Variants in CDH13 observed in about 807,000 individuals in gnomAD.
CDH13 encodes cadherin 13, also known as cadherin-13.
Under a neutral mutation model 63.8 loss-of-function variants are expected in CDH13, and 24 were observed. The ratio of observed to expected loss-of-function variants is 0.38; its 90% confidence interval spans 0.27 to 0.53. The LOEUF is 0.53. Ranked by LOEUF, CDH13 falls within the 20% of genes least tolerant of loss-of-function variation. CDH13 has a pLI of 0.85. For missense variants in CDH13, 1,049 were observed against 903.1 expected (o/e 1.16, Z -2.07); for synonymous variants, 503 against 355.3 (o/e 1.42, Z -4.67).
In CDH13 at chr16:83,113,670, C is replaced by T. The variant is rs77789371; in HGVS notation, c.367-11715C>T. 3.0e-3 allele frequency among the ~76,000 whole-genome samples: 460 copies of T among 152,118 alleles called. 2 individuals are homozygous for T. The highest frequency in any genetic ancestry group is 0.011 in the African/African-American group (440 of 41,486). On this transcript the variant is annotated intron_variant, in intron 3 of 13. Coordinates refer to ENST00000567109, the MANE Select transcript of CDH13 (RefSeq NM_001257.5). ...AGCCAATCCTCATAGCAAAAGAGAC[C>T]GAGGAAGCCTAGAAGTGGTGCTTGA... is the stretch of plus-strand genomic sequence containing the variant.
chr16:83,482,058 C>T (rs143325646), intron 6 of CDH13, among the ~76,000 whole-genome samples: 9 of 152,290 alleles, frequency 5.9e-5, no homozygotes, highest in African/African-American at 1.9e-4. Context: ...CCCATTCCAG[C>T]AAGGACCTCC....
chr16:82,698,220 T>C (rs370585515), intron 1 of CDH13, among the ~76,000 whole-genome samples: 8 of 152,334 alleles, frequency 5.3e-5, no homozygotes, highest in African/African-American at 9.6e-5. Flanking sequence ...CTAGTCTCTT[T>C]AGTGTTTTCT....
intron 8 of CDH13, among the ~76,000 whole-genome samples, chr16:83,659,550 G>C (rs865833314): frequency 1.3e-5 from 2 of 152,224 alleles, no homozygotes; most frequent in Admixed American, 1.3e-4. Flanking sequence ...AGAATCACAG[G>C]GGGGTGTTTT....
At chr16:82,953,891 A>T (rs554712733) in intron 2 of CDH13, 2 of 152,360 alleles carry the variant, frequency 1.3e-5, no homozygotes, top group African/African-American at 4.8e-5. Flanking sequence ...TTAAGTGGCC[A>T]GACATAGTGC....
chr16:83,245,230 C>T (rs1169277711), intron 5 of CDH13, among the ~76,000 whole-genome samples: 2 of 152,168 alleles, frequency 1.3e-5, no homozygotes, highest in Non-Finnish European at 2.9e-5. Context: ...TGGCTCTCTG[C>T]CACCCCCCAC....
intron 4 of CDH13, among the ~76,000 whole-genome samples, chr16:83,147,069 C>T (rs2036781980): frequency 6.6e-6 from 1 of 152,062 alleles, no homozygotes; most frequent in Non-Finnish European, 1.5e-5. Context: ...GCCTGGGCAA[C>T]AGAGTGAGAC....
At chr16:83,212,730 A>G (rs936285605) in intron 4 of CDH13, among the ~76,000 whole-genome samples, 2 of 152,170 alleles carry the variant, frequency 1.3e-5, no homozygotes, top group African/African-American at 4.8e-5. Flanking sequence ...AAACTTGGGT[A>G]TGCGTGAGAA....
intron 8 of CDH13, among the ~76,000 whole-genome samples, chr16:83,654,458 T>C (rs1189546426): frequency 6.6e-6 from 1 of 151,740 alleles, no homozygotes; most frequent in Non-Finnish European, 1.5e-5. Context: ...TATAGGACAA[T>C]GTGCAAGAAA....
chr16:83,182,746 G>A (rs2038385590), intron 4 of CDH13, among the ~76,000 whole-genome samples: 1 of 152,142 alleles, frequency 6.6e-6, no homozygotes, highest in Non-Finnish European at 1.5e-5. Context: ...TAACACTAAT[G>A]GGAATGAGCG....
chr16:83,651,848 G>C (rs1395693360), intron 8 of CDH13, among the ~76,000 whole-genome samples: 5 of 152,106 alleles, frequency 3.3e-5, no homozygotes. Context: ...GCCTGCTTCA[G>C]CCTCCCAAAG....
At chr16:82,727,145 A>G (rs2033143370) in intron 1 of CDH13, among the ~76,000 whole-genome samples, 2 of 152,086 alleles carry the variant, frequency 1.3e-5, no homozygotes, top group East Asian at 3.9e-4. Context: ...GGAGTGGCAA[A>G]TCAAATGACA....
chr16:82,778,389 T>C (rs1567523903), intron 1 of CDH13, among the ~76,000 whole-genome samples: 1 of 152,078 alleles, frequency 6.6e-6, no homozygotes. Flanking sequence ...CTAATTTTAT[T>C]ACAGAGTTTT....
At chr16:83,142,890 G>C (rs60256053) in intron 4 of CDH13, among the ~76,000 whole-genome samples, 169 of 152,296 alleles carry the variant, frequency 1.1e-3, no homozygotes, top group Middle Eastern at 3.4e-3. Context: ...ATCACCTGAG[G>C]TTGGGAGTTC....
At chr16:83,567,577 T>C (rs1408564773) in intron 7 of CDH13, among the ~76,000 whole-genome samples, 1 of 152,146 alleles carries the variant, frequency 6.6e-6, no homozygotes, top group Non-Finnish European at 1.5e-5. Flanking sequence ...AGTTTTTTCT[T>C]TGTTCGTCTG....
chr16:82,979,093 A>C (rs1292889563), intron 2 of CDH13, among the ~76,000 whole-genome samples: 1 of 152,202 alleles, frequency 6.6e-6, no homozygotes, highest in Non-Finnish European at 1.5e-5. Context: ...GCCCTATTGG[A>C]TTCTAGACTT....
intron 7 of CDH13, among the ~76,000 whole-genome samples, chr16:83,593,090 T>C (rs1203109720): frequency 5.3e-5 from 8 of 152,202 alleles, no homozygotes; most frequent in Non-Finnish European, 1.0e-4. Flanking sequence ...CACCAATCTT[T>C]TGCAATATTT....
At chr16:83,159,896 G>A (rs565468078) in intron 4 of CDH13, among the ~76,000 whole-genome samples, 2 of 151,962 alleles carry the variant, frequency 1.3e-5, no homozygotes, top group East Asian at 1.9e-4. Flanking sequence ...CCAACATGGC[G>A]AAAACCCGTA....
At chr16:83,520,481 G>A (rs1598210006) in intron 7 of CDH13, among the ~76,000 whole-genome samples, 1 of 152,186 alleles carries the variant, frequency 6.6e-6, no homozygotes, top group Middle Eastern at 3.4e-3. Context: ...TGCTCTGAGG[G>A]AGCAAACACA....
chr16:82,842,143 TATATATATATATATATATATAC>T (rs2039054698), intron 1 of CDH13, among the ~76,000 whole-genome samples: 3 of 17,822 alleles, frequency 1.7e-4, no homozygotes, highest in African/African-American at 5.5e-4. Context: ...TATATACACA[TATATATATATATATATATATAC>T]ACACACACAC....
Sources: allele counts gnomAD v4.1 joint callset (sites outside exome capture counted in the v4.1 genomes callset), GRCh38; gene constraint gnomAD v4.1.1; transcripts MANE v1.5; gene names NCBI Gene and HGNC (gene_info 2026-07-23, HGNC 2026-07-21).